Variants in TECPR1 observed in about 807,000 individuals in gnomAD.
TECPR1 encodes tectonin beta-propeller repeat-containing protein 1.
Under a neutral mutation model 162.4 loss-of-function variants are expected in TECPR1, and 122 were observed. The observed-to-expected ratio is 0.75, with a 90% CI of 0.65 to 0.87. TECPR1 has a LOEUF of 0.87. TECPR1 is among the 40% of genes least tolerant of loss of function. TECPR1 has a pLI of 0.00. For synonymous variants in TECPR1, 642 were observed against 670.6 expected (o/e 0.96, Z 0.66); for missense variants, 1,432 against 1,618.2 (o/e 0.88, Z 1.97).
chr7:98,233,560 G>A lies in TECPR1; in HGVS notation c.1533C>T (p.Ser511=). The A allele has an allele frequency of 6.3e-7, 1 of 1,596,740 alleles. No homozygotes were observed. The highest frequency in any genetic ancestry group is 8.5e-7 in the Non-Finnish European group (1 of 1,173,220). Reference sequence around the variant, plus strand: ...GTGGGAGGAGCCCCAGAGAGGAGAGGCTGGTGGTCTCGGGGAAGCCAGCGG... The same window carrying A: ...GTGGGAGGAGCCCCAGAGAGGAGAGACTGGTGGTCTCGGGGAAGCCAGCGG... ...HSAAGFPETT[S]LSSLGLLPLG... Residue 511 remains serine (S), a synonymous_variant, in exon 11 of 26, where the codon AGC becomes AGT. Transcript: ENST00000447648.
At position 98,234,575 on chromosome 7, in the gene TECPR1, T is replaced by C. The variant is rs76149935; in HGVS notation, c.1182-664A>G. Reference sequence around the variant, plus strand: ...CCAGCAGTGGATGTGCTGGCTCACATGGCAGTTCTGGGTTTCATGTCTTGA... The same window carrying C: ...CCAGCAGTGGATGTGCTGGCTCACACGGCAGTTCTGGGTTTCATGTCTTGA... On this transcript the variant is annotated intron_variant, in intron 10 of 25. Coordinates refer to ENST00000447648, the MANE Select transcript of TECPR1 (RefSeq NM_015395.3). Among the ~76,000 whole-genome samples the C allele has an allele frequency of 1.1e-3, 172 of 152,342 alleles. 1 individual carries two copies. The highest frequency in any genetic ancestry group is 4.0e-3 in the African/African-American group (168 of 41,590).
chr7:98,215,361 CTTATT>C lies in TECPR1; in HGVS notation c.*2024_*2028del, dbSNP rs1012745781. Reference sequence around the variant, plus strand: ...GTTTCTCAAATGACCCAAATTGGCTCTTATTTTTTCTAATGGCCCTTTCAAAGTAT... The same window carrying C: ...GTTTCTCAAATGACCCAAATTGGCTCTTTTCTAATGGCCCTTTCAAAGTAT... On this transcript the variant is annotated 3_prime_UTR_variant, in exon 26 of 26. Transcript: ENST00000447648. 1 of 152,236 alleles carries C rather than the reference CTTATT, an allele frequency of 6.6e-6. No homozygotes were observed. The highest frequency in any genetic ancestry group is 1.5e-5 in the Non-Finnish European group (1 of 68,032). 9.4% of individuals were successfully genotyped at this position (152,236 alleles called of 1,614,324 possible).
intron 20 of TECPR1, among the ~76,000 whole-genome samples, 198 bp from the exon 21 acceptor site, chr7:98,223,368 A>G (rs1798192492): frequency 1.1e-5 from 1 of 86,990 alleles, no homozygotes; most frequent in African/African-American, 4.4e-5. Flanking sequence ...AGCCCCAGCC[A>G]GGCCCCGTTC....
In TECPR1 at chr7:98,236,905, C is replaced by G. The variant is rs757296823; in HGVS notation, c.1052G>C (p.Cys351Ser). 1.9e-6 allele frequency: 3 copies of G among 1,565,322 alleles called. No individual in the cohort carries two copies. The highest frequency in any genetic ancestry group is 2.6e-6 in the Non-Finnish European group (3 of 1,155,534). Residue 351 changes from cysteine to serine, a missense_variant, in exon 10 of 26, where the codon TGT (cysteine) becomes TCT (serine). By Grantham distance (112) the Cys-to-Ser change is moderately radical. Coordinates refer to ENST00000447648, the MANE Select transcript of TECPR1 (RefSeq NM_015395.3). ...CCGGAAGTACACGGCTCGGTCCTCA[C>G]AGCCAATGCCCCACACCTGGAAGAG... ...GMNDQVWGIG[C>S]EDRAVYFRQG... is the part of the protein sequence containing the mutation.
chr7:98,222,242 C>A, intron 22 of TECPR1, 144 bp downstream of exon 22: 1 of 1,233,996 alleles, frequency 8.1e-7, no homozygotes, highest in Non-Finnish European at 1.1e-6. Context: ...TGACCACCTC[C>A]CAGTCAGTCC....
Position 98,225,092 on chromosome 7 carries a change from T to C in TECPR1, c.2524A>G (p.Thr842Ala). Residue 842 changes from threonine to alanine, a missense_variant, in exon 18 of 26, where the codon ACG becomes GCG. Thr to Ala is a moderately conservative substitution (Grantham distance 58). Transcript: ENST00000447648. The part of the protein sequence containing the change: ...VTGYTSRGLP[T>A]DRYMWSDASG... ...GCATCGCTCCACATGTACCGGTCCG[T>C]GGGCAGACCCCTGCGGCAGGACAAC... The C allele has an allele frequency of 6.4e-7, 1 of 1,568,324 alleles. No homozygotes were observed. The highest frequency in any genetic ancestry group is 8.6e-7 in the Non-Finnish European group (1 of 1,158,708).
intron 3 of TECPR1, 53 bp downstream of exon 3, chr7:98,245,869 C>G: frequency 3.3e-6 from 5 of 1,497,016 alleles, no homozygotes; most frequent in Non-Finnish European, 4.5e-6. Flanking sequence ...TCATTTTAAC[C>G]AATAACCCAG....
At chr7:98,242,801 A>ACCCATCTGTCCATCTGCACACACCT (rs1798790905) in intron 6 of TECPR1, among the ~76,000 whole-genome samples, 1 of 121,826 alleles carries the variant, frequency 8.2e-6, no homozygotes. Flanking sequence ...CCATCCACCC[A>ACCCATCTGTCCATCTGCACACACCT]TCCATCCATC....
At position 98,232,139 on chromosome 7, in the gene TECPR1, T is replaced by C. The variant is rs1199158171; in HGVS notation, c.1819-180A>G. 6.6e-6 allele frequency among the ~76,000 whole-genome samples: 1 copy of C among 151,972 alleles called. No individual in the cohort carries two copies. Among genetic ancestry groups the C allele is most frequent in the Non-Finnish European group, 1.5e-5 (1 of 67,980 alleles). On this transcript the variant is annotated intron_variant, in intron 12 of 25. Transcript: ENST00000447648. This position sits in a 1 kb window ranked among gnomAD's most constrained non-coding sequence, Gnocchi z 4.6. ...AACAGTGACGCTGCCGGACACCCAATAGGTGCAGGCTGAGCCAGGGCTGTT... is the reference window on the plus strand; with the variant it reads ...AACAGTGACGCTGCCGGACACCCAACAGGTGCAGGCTGAGCCAGGGCTGTT...
In TECPR1 at chr7:98,232,015, G is replaced by A; in HGVS notation, c.1819-56C>T. 2 of 1,539,090 alleles carry A rather than the reference G, an allele frequency of 1.3e-6. No homozygotes were observed. Among genetic ancestry groups the A allele is most frequent in the Non-Finnish European group, 1.7e-6 (2 of 1,144,258 alleles). ...CAGGCAGGCCCGGGGTGCCAGGGGA[G>A]GAGGGCGGGGCTGGGGGTGCCCAGA... On this transcript the variant is annotated intron_variant, in intron 12 of 25. Coordinates refer to ENST00000447648, the MANE Select transcript of TECPR1 (RefSeq NM_015395.3). This position sits in a 1 kb window ranked among gnomAD's most constrained non-coding sequence, Gnocchi z 4.6.
In TECPR1 at chr7:98,222,674, T is replaced by C. The variant is rs922879861; in HGVS notation, c.2929-153A>G. On this transcript the variant is annotated intron_variant, in intron 21 of 25. Transcript: ENST00000447648. The stretch of plus-strand genomic sequence containing the variant: ...ACAGCCCCACCCGGCCTGATCTCGG[T>C]GCTTGTTGAAATCCTGGGCGCATCT... 3.9e-5 allele frequency: 39 copies of C among 1,008,482 alleles called. No homozygotes were observed. In the East Asian group the frequency reaches 1.0e-3, roughly 26 times the overall value. The allele number at this position is 1,008,482 out of a possible 1,614,324, so 62.5% of individuals were successfully genotyped here. A position where few individuals can be genotyped will look rare whatever the true frequency, so the allele number is the denominator to read the frequency against.
At chr7:98,222,033 A>G (rs1440413801) in intron 22 of TECPR1, among the ~76,000 whole-genome samples, 1 of 152,048 alleles carries the variant, frequency 6.6e-6, no homozygotes, top group African/African-American at 2.4e-5. Context: ...CTGCTAACCC[A>G]TCCCTGTGCA....
chr7:98,222,541 G>C lies in TECPR1; in HGVS notation c.2929-20C>G. ...GGAGCCCTGGGGATAGCAAGGAGGG[G>C]CGCTGAGGTCACCAGGGCCCCCACC... On this transcript the variant is annotated intron_variant, in intron 21 of 25. Transcript: ENST00000447648. 6.4e-7 allele frequency: 1 copy of C among 1,559,692 alleles called. No homozygotes were observed. The highest frequency in any genetic ancestry group is 8.7e-7 in the Non-Finnish European group (1 of 1,153,464).
chr7:98,228,089 T>G lies in TECPR1; in HGVS notation c.2438A>C (p.Tyr813Ser). 6.2e-7 allele frequency: 1 copy of G among 1,612,500 alleles called. No homozygotes were observed. Residue 813 changes from tyrosine (Y) to serine (S), a missense_variant, in exon 17 of 26, where the codon TAC becomes TCC. Transcript: ENST00000447648. ...QGLASSTSNI[Y>S]TQSDVKCVHI... ...AACACACTTCACGTCTGACTGCGTG[T>G]AGATGTTACTGGTGCTGCTGGCCAG...
Position 98,241,485 on chromosome 7 carries a change from A to G in TECPR1, c.658-241T>C, listed in dbSNP as rs1290045950. On this transcript the variant is annotated intron_variant, in intron 6 of 25. Coordinates refer to ENST00000447648, the MANE Select transcript of TECPR1 (RefSeq NM_015395.3). The surrounding 1 kb of genome is among the most constrained non-coding windows in gnomAD (Gnocchi z 5.0). The stretch of plus-strand genomic sequence containing the variant: ...CCAGCCCACTCATGGACACCCACCC[A>G]CCACCTGATTCCAGTCTCAGGCATG... Among the ~76,000 whole-genome samples the G allele has an allele frequency of 6.6e-6, 1 of 151,976 alleles. No homozygotes were observed. Among genetic ancestry groups the G allele is most frequent in the Non-Finnish European group, 1.5e-5 (1 of 67,994 alleles).
rs888183993 is a variant in TECPR1, at chr7:98,244,702, C to T, written c.409-9G>A. ...ATGGCGTACGTCCACCCCTGAAACA[C>T]CAAGGAAGGGGCTCTCAGGCTCTGC... On this transcript the variant is annotated splice_polypyrimidine_tract_variant and intron_variant, in intron 4 of 25. Transcript: ENST00000447648. The T allele has an allele frequency of 1.2e-6, 2 of 1,603,952 alleles. No individual in the cohort carries two copies. The highest frequency in any genetic ancestry group is 1.7e-6 in the Non-Finnish European group (2 of 1,173,316).
At position 98,233,852 on chromosome 7, in the gene TECPR1, G is replaced by T; in HGVS notation, c.1241C>A (p.Thr414Asn). ...TCTCTCGACTTCCGAGGAGGCATCG[G>T]TGTCGCTGGGGGCAGACTCGCCACT... ...RGSGESAPSD[T>N]DASSEVERPG... The change falls in exon 11 of 26, where the codon ACC (threonine) becomes AAC (asparagine). Residue 414 changes from threonine (T) to asparagine (N), a missense_variant. Transcript: ENST00000447648. 1.3e-6 allele frequency: 2 copies of T among 1,570,606 alleles called. No individual in the cohort carries two copies. The highest frequency in any genetic ancestry group is 1.3e-5 in the African/African-American group (1 of 74,086).
At chr7:98,226,378 A>G in intron 17 of TECPR1, 3 of 924,434 alleles carry the variant, frequency 3.2e-6, no homozygotes, top group Non-Finnish European at 3.9e-6. Context: ...AGGACGCTGA[A>G]AAGGTCACAT....
Position 98,235,966 on chromosome 7 carries a change from G to A in TECPR1, c.1181+810C>T, listed in dbSNP as rs1584344850. Among the ~76,000 whole-genome samples the A allele has an allele frequency of 2.6e-5, 4 of 152,250 alleles. No individual in the cohort carries two copies. The South Asian group carries it at 6.2e-4, about 24-fold the overall frequency. On this transcript the variant is annotated intron_variant, in intron 10 of 25. Transcript: ENST00000447648. Reference sequence around the variant, plus strand: ...CAGGGTGGCAACCACCAGGCTCAGGGCACAGAGGGGTGTGGACCAGGGGCT... The same window carrying A: ...CAGGGTGGCAACCACCAGGCTCAGGACACAGAGGGGTGTGGACCAGGGGCT...
Sources: gnomAD v4.1 joint callset for allele counts (sites outside exome capture counted in the v4.1 genomes callset) on GRCh38, gnomAD v4.1.1 for gene constraint, Gnocchi (gnomAD v3.1) non-coding constraint, MANE v1.5 for transcripts, NCBI Gene and HGNC (gene_info 2026-07-23, HGNC 2026-07-21) for gene names.